Variants in HS3ST5 observed in about 807,000 individuals in gnomAD.
The protein encoded by HS3ST5 is heparan sulfate glucosamine 3-O-sulfotransferase 5.
In HS3ST5, 10 loss-of-function variants were observed where a neutral mutation model predicts 25.4. That is an observed-to-expected ratio of 0.39 (90% confidence interval 0.24 to 0.67). HS3ST5 has a LOEUF of 0.67. Among genes scored for constraint, HS3ST5 ranks in the 30% least tolerant of loss-of-function variants. The pLI, the probability that HS3ST5 is intolerant of heterozygous loss-of-function variation, is 0.44. For synonymous variants in HS3ST5, 170 were observed against 162.4 expected, an observed-to-expected ratio of 1.05 and a Z score of -0.36; for missense variants, 324 against 420.7, an observed-to-expected ratio of 0.77 and a Z score of 2.01.
intron 3 of HS3ST5, among the ~76,000 whole-genome samples, chr6:114,151,795 T>C (rs1778462603): frequency 6.6e-6 from 1 of 152,202 alleles, no homozygotes; most frequent in Admixed American, 6.5e-5. Flanking sequence ...TAAATTAAAA[T>C]AGAAAAATAT....
chr6:114,118,212 G>A (rs184379060), intron 3 of HS3ST5, among the ~76,000 whole-genome samples: 1 of 152,178 alleles, frequency 6.6e-6, no homozygotes, highest in African/African-American at 2.4e-5. Context: ...GATTCTGAGG[G>A]GGCATGTATG....
chr6:114,284,791 A>G (rs1188893879), intron 1 of HS3ST5, among the ~76,000 whole-genome samples: 2 of 151,970 alleles, frequency 1.3e-5, no homozygotes, highest in African/African-American at 4.8e-5. Flanking sequence ...ACACTCATAT[A>G]TATGTGAATA....
chr6:114,313,025 GAAAAAAAAAAAAAA>G (rs5879258), intron 1 of HS3ST5, among the ~76,000 whole-genome samples: 2 of 16,122 alleles, frequency 1.2e-4, no homozygotes, highest in African/African-American at 4.7e-4. Flanking sequence ...CCCTGCATCA[GAAAAAAAAAAAAAA>G]AAAAAAAAAA....
intron 2 of HS3ST5, among the ~76,000 whole-genome samples, chr6:114,181,134 C>T (rs1342572974): frequency 6.6e-6 from 1 of 152,198 alleles, no homozygotes; most frequent in African/African-American, 2.4e-5. Flanking sequence ...TCAGGGATTT[C>T]TTGATCTTTC....
intron 1 of HS3ST5, among the ~76,000 whole-genome samples, chr6:114,341,842 C>G (rs1276279835): frequency 6.6e-6 from 1 of 152,070 alleles, no homozygotes; most frequent in Non-Finnish European, 1.5e-5. Flanking sequence ...TAAACTCTGG[C>G]GAGCGCAGTA....
chr6:114,140,753 G>GT (rs1777864806), intron 3 of HS3ST5, among the ~76,000 whole-genome samples: 1 of 152,208 alleles, frequency 6.6e-6, no homozygotes, highest in African/African-American at 2.4e-5. Context: ...AAACGTGACT[G>GT]TTCTGTCAAA....
intron 1 of HS3ST5, among the ~76,000 whole-genome samples, chr6:114,243,304 G>T (rs958265181): frequency 1.3e-5 from 2 of 152,046 alleles, no homozygotes; most frequent in African/African-American, 4.8e-5. Context: ...TGATGCAGAA[G>T]TGAAATCATC....
intron 3 of HS3ST5, among the ~76,000 whole-genome samples, chr6:114,147,911 C>A (rs939667151): frequency 1.3e-5 from 2 of 152,114 alleles, no homozygotes; most frequent in Non-Finnish European, 2.9e-5. Context: ...AGGTAAGCTT[C>A]TGTCACTTTT....
intron 1 of HS3ST5, among the ~76,000 whole-genome samples, chr6:114,276,134 T>C (rs1269633374): frequency 1.7e-5 from 2 of 114,652 alleles, no homozygotes; most frequent in African/African-American, 6.6e-5. Context: ...AAAAGGCACA[T>C]AGAAGGCAAG....
intron 2 of HS3ST5, among the ~76,000 whole-genome samples, chr6:114,188,786 T>G (rs1351494415): frequency 6.6e-6 from 1 of 152,136 alleles, no homozygotes; most frequent in East Asian, 1.9e-4. Context: ...TATAATTGGG[T>G]CAGTAGTGAT....
chr6:114,328,703 T>G (rs1288248523), intron 1 of HS3ST5, among the ~76,000 whole-genome samples: 1 of 152,232 alleles, frequency 6.6e-6, no homozygotes, highest in Non-Finnish European at 1.5e-5. Context: ...TTTATTGTCA[T>G]GAGCAGGAAT....
At chr6:114,213,527 C>T (rs905475432) in intron 2 of HS3ST5, among the ~76,000 whole-genome samples, 2 of 152,202 alleles carry the variant, frequency 1.3e-5, no homozygotes, top group Admixed American at 6.5e-5. Context: ...TTTAACCTTT[C>T]TCCCAGGTAC....
chr6:114,299,789 A>G (rs1774993994), intron 1 of HS3ST5, among the ~76,000 whole-genome samples: 1 of 152,216 alleles, frequency 6.6e-6, no homozygotes, highest in African/African-American at 2.4e-5. Context: ...ATTAATTAAA[A>G]TACATAAAAA....
At chr6:114,232,499 AT>A (rs1162636022) in intron 1 of HS3ST5, among the ~76,000 whole-genome samples, 1 of 152,066 alleles carries the variant, frequency 6.6e-6, no homozygotes, top group Non-Finnish European at 1.5e-5. Context: ...CCCATATTTT[AT>A]TTCTAATTGA....
intron 3 of HS3ST5, among the ~76,000 whole-genome samples, chr6:114,127,580 G>C (rs1216908410): frequency 3.3e-5 from 5 of 152,042 alleles, no homozygotes; most frequent in South Asian, 2.1e-4. Flanking sequence ...AGCAGAGTTT[G>C]AGAACTATCA....
chr6:114,149,747 T>TA (rs1006717041), intron 3 of HS3ST5, among the ~76,000 whole-genome samples: 5 of 151,618 alleles, frequency 3.3e-5, no homozygotes, highest in African/African-American at 7.3e-5. Flanking sequence ...TTTTAAAAAT[T>TA]AAAAAAAAAT....
intron 3 of HS3ST5, among the ~76,000 whole-genome samples, chr6:114,155,655 C>T (rs79484356): frequency 1.7e-4 from 26 of 152,146 alleles, no homozygotes; most frequent in African/African-American, 6.3e-4. Flanking sequence ...ATGCAGAGTT[C>T]AAGAAGGAAC....
At chr6:114,126,993 A>C (rs1777071930) in intron 3 of HS3ST5, among the ~76,000 whole-genome samples, 1 of 152,196 alleles carries the variant, frequency 6.6e-6, no homozygotes. Context: ...TAAGGTGGGG[A>C]TAATGATATA....
At chr6:114,067,089 T>G (rs1459889463) in intron 3 of HS3ST5, among the ~76,000 whole-genome samples, 2 of 152,154 alleles carry the variant, frequency 1.3e-5, no homozygotes, top group East Asian at 3.9e-4. Context: ...ATCAGCTTCC[T>G]TGCTGGCCTG....
Sources: allele counts gnomAD v4.1 joint callset (sites outside exome capture counted in the v4.1 genomes callset), GRCh38; gene constraint gnomAD v4.1.1; transcripts MANE v1.5; gene names NCBI Gene and HGNC (gene_info 2026-07-23, HGNC 2026-07-21).